The following E2F2 variants were observed in gnomAD, a reference collection of about 807,000 sequenced individuals.
E2F2 encodes E2F transcription factor 2.
Under a neutral mutation model 42.2 loss-of-function variants are expected in E2F2, and 22 were observed. That is an observed-to-expected ratio of 0.52 (90% CI 0.37 to 0.74). The LOEUF (loss-of-function observed/expected upper bound fraction) is 0.74, where lower values mean the gene tolerates loss of function less well. Among genes scored for constraint, E2F2 ranks in the 30% least tolerant of loss-of-function variants. E2F2 has a pLI of 0.00. For missense variants in E2F2, 481 were observed against 557.8 expected (o/e 0.86, Z 1.39); for synonymous variants, 248 against 251.6 (o/e 0.99, Z 0.13).
chr1:23,511,480 C>T (rs1642907196), intron 6 of E2F2, among the ~76,000 whole-genome samples: 1 of 144,928 alleles, frequency 6.9e-6, no homozygotes, highest in African/African-American at 2.9e-5. Context: ...GAGCAATCCT[C>T]CTGCCTCAGC....
intron 6 of E2F2, 112 bp from the exon 7 acceptor site, chr1:23,510,260 C>A (rs1642885334): frequency 7.0e-7 from 1 of 1,420,638 alleles, no homozygotes. Context: ...TCTCCTTAGC[C>A]TGGGTGGACT....
chr1:23,512,315 G>C (rs989649421), intron 6 of E2F2, among the ~76,000 whole-genome samples: 1 of 152,208 alleles, frequency 6.6e-6, no homozygotes, highest in African/African-American at 2.4e-5. Context: ...GCTAATGGGG[G>C]AGGTGGTGGC....
chr1:23,523,221 C>T (rs986981455), intron 2 of E2F2, among the ~76,000 whole-genome samples: 7 of 150,324 alleles, frequency 4.7e-5, no homozygotes, highest in African/African-American at 1.2e-4. Context: ...TGCAGTGGTG[C>T]GATCTTGGCT....
intron 2 of E2F2, among the ~76,000 whole-genome samples, chr1:23,523,082 CAG>C (rs2124252975): frequency 6.6e-6 from 1 of 152,144 alleles, no homozygotes; most frequent in African/African-American, 2.4e-5. Context: ...CAGGTCGGAG[CAG>C]AATCCTACCT....
Position 23,510,663 on chromosome 1 carries a change from G to T in E2F2, c.1046-515C>A, listed in dbSNP as rs3218204. Among the ~76,000 whole-genome samples the T allele has an allele frequency of 3.8e-3, 572 of 152,224 alleles. 4 individuals are homozygous for T. The highest frequency in any genetic ancestry group is 0.013 in the African/African-American group (544 of 41,522). ...ATGCTACAACATAGATGAACCCTGA[G>T]GACATTAAACTATGTGAAATAAGCC... On this transcript the variant is annotated intron_variant, in intron 6 of 6. Transcript: ENST00000361729.
intron 6 of E2F2, among the ~76,000 whole-genome samples, chr1:23,515,502 G>A (rs1408928675): frequency 1.3e-5 from 2 of 151,982 alleles, no homozygotes; most frequent in African/African-American, 4.8e-5. Context: ...GAGACCTTAG[G>A]TAAGACACAT....
chr1:23,510,399 C>T (rs1028030861), intron 6 of E2F2, among the ~76,000 whole-genome samples: 3 of 152,090 alleles, frequency 2.0e-5, no homozygotes, highest in Admixed American at 6.6e-5. Context: ...GATCTTGGTT[C>T]ACTGCAACCT....
Position 23,506,989 on chromosome 1 carries a change from C to A in E2F2, c.*2891G>T, listed in dbSNP as rs1430040557. On this transcript the variant is annotated 3_prime_UTR_variant, in exon 7 of 7. Coordinates refer to ENST00000361729, the MANE Select transcript of E2F2 (RefSeq NM_004091.4). ...GGACACCCTCTGGTCTATTCTAACA[C>A]CTTTAATGGGAAAGGAGTTAGGAGC... 1 of 152,228 alleles carries A rather than the reference C, an allele frequency of 6.6e-6. No individual in the cohort carries two copies. The highest frequency in any genetic ancestry group is 1.5e-5 in the Non-Finnish European group (1 of 68,060). The allele number at this position is 152,228 out of a possible 1,614,324, so 9.4% of individuals were successfully genotyped here.
At chr1:23,527,111 T>C (rs529108075) in intron 1 of E2F2, among the ~76,000 whole-genome samples, 8 of 152,308 alleles carry the variant, frequency 5.3e-5, no homozygotes, top group African/African-American at 1.9e-4. Context: ...CTGGCCTGGC[T>C]TTGCATCTAG....
At chr1:23,510,372 C>A (rs766405074) in intron 6 of E2F2, among the ~76,000 whole-genome samples, 1 of 152,128 alleles carries the variant, frequency 6.6e-6, no homozygotes. Flanking sequence ...ATCACCCAGG[C>A]TAGAGTGCAG....
intron 2 of E2F2, among the ~76,000 whole-genome samples, chr1:23,524,061 G>A (rs1199595853): frequency 1.4e-5 from 2 of 144,384 alleles, no homozygotes; most frequent in East Asian, 2.1e-4. Flanking sequence ...GTGACAGAGC[G>A]AGACCTGTCT....
intron 2 of E2F2, 81 bp from the exon 3 acceptor site, chr1:23,522,137 A>C: frequency 7.7e-7 from 1 of 1,305,408 alleles, no homozygotes; most frequent in Non-Finnish European, 1.1e-6. Flanking sequence ...TAGGCTCATT[A>C]AGTACCACCT....
intron 5 of E2F2, among the ~76,000 whole-genome samples, chr1:23,518,328 G>A (rs1219302830): frequency 2.6e-5 from 4 of 151,948 alleles, no homozygotes; most frequent in Non-Finnish European, 4.4e-5. Flanking sequence ...AAACTTAGCC[G>A]GGAGTAGTGG....
intron 5 of E2F2, among the ~76,000 whole-genome samples, chr1:23,518,618 C>G (rs2811974): frequency 0.45 from 68,689 of 151,932 alleles, 18,706 homozygotes; most frequent in East Asian, 0.84. Flanking sequence ...AGGTTGGCAA[C>G]GTCAGCTGGG....
intron 5 of E2F2, among the ~76,000 whole-genome samples, chr1:23,517,805 C>T (rs1643053585): frequency 6.6e-6 from 1 of 152,164 alleles, no homozygotes; most frequent in Non-Finnish European, 1.5e-5. Context: ...GAGTTGAGAC[C>T]TGTAGGATGA....
chr1:23,516,805 G>T lies in E2F2; in HGVS notation c.853-278C>A, dbSNP rs561145379. On this transcript the variant is annotated intron_variant, in intron 5 of 6. Transcript: ENST00000361729. The stretch of plus-strand genomic sequence containing the variant: ...GGTCATCTAGTTTTGGGGCGGGGGG[G>T]GGGGGGCAGCACCCTTCCCCAATGC... Among the ~76,000 whole-genome samples the T allele has an allele frequency of 1.7e-4, 24 of 139,478 alleles. 1 individual carries two copies. The highest frequency in any genetic ancestry group is 7.6e-4 in the East Asian group (3 of 3,922). 91.5% of individuals were successfully genotyped at this position (139,478 alleles called of 152,430 possible).
intron 2 of E2F2, among the ~76,000 whole-genome samples, chr1:23,523,570 CTGGA>C (rs1401305848): frequency 5.1e-4 from 78 of 152,232 alleles, no homozygotes; most frequent in Non-Finnish European, 5.6e-4. Flanking sequence ...GTGGCAGAGA[CTGGA>C]TTAATCTGTG....
chr1:23,522,102 C>T (rs368323518), intron 2 of E2F2, 46 bp from the exon 3 acceptor site: 8 of 1,577,870 alleles, frequency 5.1e-6, no homozygotes, highest in Non-Finnish European at 6.9e-6. Flanking sequence ...GGGGAGGGCC[C>T]GCCCAGGACC....
Position 23,530,719 on chromosome 1 carries a change from TGTGGGG to T in E2F2, c.69_74del (p.Ser23_Thr25delinsArg), listed in dbSNP as rs1643325617. 1 of 1,605,724 alleles carries T rather than the reference TGTGGGG, an allele frequency of 6.2e-7. No individual in the cohort carries two copies. The highest frequency in any genetic ancestry group is 1.3e-5 in the African/African-American group (1 of 74,802). ...TGCTGAGGCCGGATGGCCACAGCTC[TGTGGGG>T]CTCATCGCGGGCACCACCTTCGGGG... On this transcript the variant is annotated inframe_deletion, in exon 1 of 7. Coordinates refer to ENST00000361729, the MANE Select transcript of E2F2 (RefSeq NM_004091.4). The surrounding 1 kb of genome is among the most constrained non-coding windows in gnomAD (Gnocchi z 4.4).
Sources: allele counts gnomAD v4.1 joint callset (sites outside exome capture counted in the v4.1 genomes callset), GRCh38; gene constraint gnomAD v4.1.1; non-coding constraint Gnocchi (gnomAD v3.1); transcripts MANE v1.5; gene names NCBI Gene and HGNC (gene_info 2026-07-23, HGNC 2026-07-21).